PREX2: variants seen among roughly 807,000 people sequenced by gnomAD.
PREX2 encodes the protein phosphatidylinositol 3,4,5-trisphosphate-dependent Rac exchanger 2 protein.
PREX2 carries 107 observed loss-of-function variants against 203.2 expected under a neutral mutation model. The ratio of observed to expected loss-of-function variants is 0.53; its 90% CI spans 0.45 to 0.62. The LOEUF is 0.62. Among genes scored for constraint, PREX2 ranks in the 20% least tolerant of loss-of-function variants. The pLI is 0.00. For synonymous variants in PREX2, 672 were observed against 663.6 expected, an observed-to-expected ratio of 1.01 and a Z score of -0.19; for missense variants, 1,777 against 1,955.9, an observed-to-expected ratio of 0.91 and a Z score of 1.72.
intron 34 of PREX2, among the ~76,000 whole-genome samples, chr8:68,147,343 C>G (rs1347315100): frequency 6.6e-6 from 1 of 152,058 alleles, no homozygotes; most frequent in Non-Finnish European, 1.5e-5. Flanking sequence ...GGCTGTGTCC[C>G]CACCCAAATC....
chr8:68,143,084 A>G (rs1469164828), intron 33 of PREX2, among the ~76,000 whole-genome samples: 1 of 152,114 alleles, frequency 6.6e-6, no homozygotes, highest in Non-Finnish European at 1.5e-5. Flanking sequence ...CCATCTCTAT[A>G]TCTTCTTGAA....
chr8:68,118,008 T>C (rs976504279), intron 26 of PREX2, among the ~76,000 whole-genome samples: 4 of 152,202 alleles, frequency 2.6e-5, no homozygotes, highest in African/African-American at 2.4e-5. Context: ...TAAAAAATCA[T>C]TTAGGATTAG....
intron 9 of PREX2, among the ~76,000 whole-genome samples, chr8:68,054,413 C>G (rs1252181864): frequency 6.6e-6 from 1 of 151,762 alleles, no homozygotes; most frequent in Non-Finnish European, 1.5e-5. Context: ...AGCACATTCT[C>G]TAAAACTGCT....
At chr8:68,216,066 T>C (rs1485758905) in intron 37 of PREX2, among the ~76,000 whole-genome samples, 1 of 152,274 alleles carries the variant, frequency 6.6e-6, no homozygotes, top group African/African-American at 2.4e-5. Context: ...TCAAGTCATT[T>C]AACAGCCAGT....
In PREX2 at chr8:68,127,437, A is replaced by ATT; in HGVS notation, c.3766+26_3766+27dup. The ATT allele has an allele frequency of 1.3e-6, 2 of 1,568,808 alleles. No homozygotes were observed. The highest frequency in any genetic ancestry group is 1.7e-6 in the Non-Finnish European group (2 of 1,145,036). On this transcript the variant is annotated intron_variant, in intron 31 of 39. Transcript: ENST00000288368. ...ATATTCAGGTAACATTTTGCATTTT[A>ATT]TTTTTTTTTACTATTTAAGTGATTG...
chr8:67,987,598 G>T (rs556273119), intron 1 of PREX2, among the ~76,000 whole-genome samples: 1 of 152,174 alleles, frequency 6.6e-6, no homozygotes, highest in East Asian at 1.9e-4. Context: ...TCCCCATCAC[G>T]TGCGCTGGAC....
intron 10 of PREX2, among the ~76,000 whole-genome samples, chr8:68,058,687 C>T (rs534901136): frequency 3.9e-5 from 6 of 152,146 alleles, no homozygotes; most frequent in East Asian, 1.9e-4. Context: ...CATCTGCCTC[C>T]GCCTCCCAAA....
At position 68,211,488 on chromosome 8, in the gene PREX2, C is replaced by T. The variant is rs552459705; in HGVS notation, c.4605-6128C>T. Among the ~76,000 whole-genome samples the T allele has an allele frequency of 2.6e-4, 39 of 152,274 alleles. No homozygotes were observed. The South Asian group carries it at 7.7e-3, about 30-fold the overall frequency. On this transcript the variant is annotated intron_variant, in intron 37 of 39. Transcript: ENST00000288368. Reference sequence around the variant, plus strand: ...TAATGTACTGCCCATAAAGAGGAGGCTCCTCTACACAGACTTACCATGGCC... The same window carrying T: ...TAATGTACTGCCCATAAAGAGGAGGTTCCTCTACACAGACTTACCATGGCC...
At chr8:68,052,096 A>G (rs891513631) in intron 8 of PREX2, among the ~76,000 whole-genome samples, 1 of 152,180 alleles carries the variant, frequency 6.6e-6, no homozygotes, top group Non-Finnish European at 1.5e-5. Context: ...CTGAGAAAAA[A>G]AAGAACAAAA....
intron 35 of PREX2, among the ~76,000 whole-genome samples, chr8:68,161,289 T>G (rs542481815): frequency 2.6e-5 from 4 of 152,104 alleles, no homozygotes; most frequent in African/African-American, 9.6e-5. Flanking sequence ...GAGATGGGGT[T>G]TCACTATGTT....
chr8:68,146,415 AT>A (rs1258841479), intron 34 of PREX2, 63 bp downstream of exon 34: 2 of 1,332,268 alleles, frequency 1.5e-6, no homozygotes, highest in African/African-American at 3.0e-5. Context: ...TAATGCTTTT[AT>A]AAATGTGATT....
intron 7 of PREX2, among the ~76,000 whole-genome samples, chr8:68,041,151 G>C (rs1463091972): frequency 6.6e-6 from 1 of 152,060 alleles, no homozygotes; most frequent in Admixed American, 6.6e-5. Context: ...TCAATTTAAA[G>C]GTAAAGCAGT....
intron 1 of PREX2, among the ~76,000 whole-genome samples, chr8:68,016,013 T>A (rs1435727581): frequency 6.6e-6 from 1 of 152,196 alleles, no homozygotes; most frequent in Non-Finnish European, 1.5e-5. Flanking sequence ...ATCTGAAACA[T>A]GAACTGGTTG....
At position 68,019,546 on chromosome 8, in the gene PREX2, C is replaced by T; in HGVS notation, c.214-3C>T. ...GCTTACTTACACATTTGTTTATTTA[C>T]AGATGTTGTTCTCAAACATTGAAGA... On this transcript the variant is annotated splice_polypyrimidine_tract_variant and splice_region_variant and intron_variant, in intron 2 of 39. Transcript: ENST00000288368. The T allele has an allele frequency of 6.2e-7, 1 of 1,604,156 alleles. No individual in the cohort carries two copies.
At position 68,019,327 on chromosome 8, in the gene PREX2, G is replaced by A. The variant is rs900471854; in HGVS notation, c.214-222G>A. Reference sequence around the variant, plus strand: ...GGAGTGGGATACCTGGCTTGGGTTGGGCAACCGAGGCCTTGCCCTGAGAGC... The same window carrying A: ...GGAGTGGGATACCTGGCTTGGGTTGAGCAACCGAGGCCTTGCCCTGAGAGC... On this transcript the variant is annotated intron_variant, in intron 2 of 39. Coordinates refer to ENST00000288368, the MANE Select transcript of PREX2 (RefSeq NM_024870.4). Among the ~76,000 whole-genome samples, 4 of 152,334 alleles carry A rather than the reference G, an allele frequency of 2.6e-5. No individual in the cohort carries two copies. The South Asian group carries it at 6.2e-4, about 24-fold the overall frequency.
At chr8:68,096,187 G>T (rs529131188) in intron 21 of PREX2, among the ~76,000 whole-genome samples, 1 of 152,218 alleles carries the variant, frequency 6.6e-6, no homozygotes, top group South Asian at 2.1e-4. Context: ...ATAAATCAAC[G>T]TTGGTGCCAC....
intron 1 of PREX2, among the ~76,000 whole-genome samples, chr8:68,011,836 CA>C (rs1807273059): frequency 6.6e-6 from 1 of 151,948 alleles, no homozygotes; most frequent in African/African-American, 2.4e-5. Context: ...ATCAAGACTG[CA>C]GAAACAAACT....
rs138420118 is a variant in PREX2 at position 68,136,330 on chromosome 8, G to A, written c.3984+2054G>A. ...GAATTGATTTTAAAAAGAAAATAGAGAGGTTGCTAAGGAAAGAAAAATTCA... is the reference window on the plus strand; with the variant it reads ...GAATTGATTTTAAAAAGAAAATAGAAAGGTTGCTAAGGAAAGAAAAATTCA... On this transcript the variant is annotated intron_variant, in intron 32 of 39. Transcript: ENST00000288368. 6.2e-3 allele frequency among the ~76,000 whole-genome samples: 950 copies of A among 152,124 alleles called. 12 individuals carry two copies. Among genetic ancestry groups the A allele is most frequent in the African/African-American group, 0.021 (891 of 41,530 alleles).
chr8:68,113,829 G>A (rs542517071), intron 25 of PREX2, among the ~76,000 whole-genome samples: 1 of 152,056 alleles, frequency 6.6e-6, no homozygotes, highest in African/African-American at 2.4e-5. Context: ...CAAGAAGGCA[G>A]GGGCTTTTGT....
Sources: allele counts gnomAD v4.1 joint callset (sites outside exome capture counted in the v4.1 genomes callset), GRCh38; gene constraint gnomAD v4.1.1; transcripts MANE v1.5; gene names NCBI Gene and HGNC (gene_info 2026-07-23, HGNC 2026-07-21).